Variants in SMARCD3 observed in about 807,000 individuals in gnomAD.
The protein encoded by SMARCD3 is SWI/SNF-related matrix-associated actin-dependent regulator of chromatin subfamily D member 3.
Under a neutral mutation model 58.0 loss-of-function variants are expected in SMARCD3, and 14 were observed. The observed-to-expected ratio is 0.24, with a 90% CI of 0.16 to 0.38. The LOEUF (loss-of-function observed/expected upper bound fraction) is 0.38. Ranked by LOEUF, SMARCD3 falls within the 10% of genes least tolerant of loss-of-function variation. The probability of loss-of-function intolerance (pLI) is 1.00; values close to 1 mark genes in which losing one functional copy is unlikely to be tolerated. For missense variants in SMARCD3, 408 were observed against 636.9 expected (o/e 0.64, Z 3.87); for synonymous variants, 253 against 253.8 (o/e 1.00, Z 0.03).
intron 2 of SMARCD3, among the ~76,000 whole-genome samples, chr7:151,258,848 G>A (rs886589814): frequency 2.0e-5 from 3 of 151,986 alleles, no homozygotes; most frequent in Admixed American, 6.6e-5. Flanking sequence ...TCTACATGGC[G>A]GACTCCTCAC....
At chr7:151,256,073 G>A (rs947453613) in intron 2 of SMARCD3, among the ~76,000 whole-genome samples, 2 of 151,932 alleles carry the variant, frequency 1.3e-5, no homozygotes, top group Non-Finnish European at 2.9e-5. Context: ...TAGAGACGGG[G>A]TTTCACCGTG....
At chr7:151,264,555 T>A (rs1157887813) in intron 2 of SMARCD3, among the ~76,000 whole-genome samples, 1 of 152,156 alleles carries the variant, frequency 6.6e-6, no homozygotes, top group Non-Finnish European at 1.5e-5. Flanking sequence ...GGTCAGCACC[T>A]GGGGTAGGAA....
upstream of SMARCD3, chr7:151,249,348 GCAGA>G (rs1803431746): frequency 6.6e-6 from 1 of 152,166 alleles, no homozygotes; most frequent in Non-Finnish European, 1.5e-5. This position sits in a 1 kb window ranked among gnomAD's most constrained non-coding sequence, Gnocchi z 4.8. Flanking sequence ...TTATGTGCGT[GCAGA>G]CAGACGCCCT....
rs1802861724 is a variant in SMARCD3 at position 151,239,773 on chromosome 7, C to T, written c.1174-27G>A. On this transcript the variant is annotated intron_variant, in intron 10 of 12. Coordinates refer to ENST00000262188, the MANE Select transcript of SMARCD3 (RefSeq NM_001003801.2). This position sits in a 1 kb window ranked among gnomAD's most constrained non-coding sequence, Gnocchi z 7.0. ...TGCAGGTAGAAAGATAGATGCTTTC[C>T]ACCTGGCTTTGGTGATGTGGGAGAC... 4.3e-6 allele frequency: 7 copies of T among 1,612,774 alleles called. No individual in the cohort carries two copies. The highest frequency in any genetic ancestry group is 5.9e-6 in the Non-Finnish European group (7 of 1,179,320).
rs1271990478 is a variant in SMARCD3 at position 151,241,841 on chromosome 7, G to A, written c.777+36C>T. Reference sequence around the variant, plus strand: ...GACCTAGCCCTGCCCTGAGGGCCTTGTGTGGCGTGTACGGGGCAGCATGGC... The same window carrying A: ...GACCTAGCCCTGCCCTGAGGGCCTTATGTGGCGTGTACGGGGCAGCATGGC... On this transcript the variant is annotated intron_variant, in intron 7 of 12. Transcript: ENST00000262188. This position sits in a 1 kb window ranked among gnomAD's most constrained non-coding sequence, Gnocchi z 5.3. 3.2e-6 allele frequency: 5 copies of A among 1,556,866 alleles called. No individual in the cohort carries two copies. Among genetic ancestry groups the A allele is most frequent in the East Asian group, 2.3e-5 (1 of 43,908 alleles).
chr7:151,247,938 C>T (rs1356240741), intron 1 of SMARCD3, among the ~76,000 whole-genome samples: 1 of 152,180 alleles, frequency 6.6e-6, no homozygotes, highest in Non-Finnish European at 1.5e-5. Context: ...TAGAGCGGTC[C>T]TCTCCCCCAC....
rs79419269 is a variant in SMARCD3 at position 151,239,990 on chromosome 7, T to C, written c.1173+122A>G. On this transcript the variant is annotated intron_variant, in intron 10 of 12. Transcript: ENST00000262188. The surrounding 1 kb of genome is among the most constrained non-coding windows in gnomAD (Gnocchi z 7.0). ...CCCATTGGCCCAGAGTCTGGTCTCTTTTTTTTTTTTTTTTTTAATTTAACC... is the reference window on the plus strand; with the variant it reads ...CCCATTGGCCCAGAGTCTGGTCTCTCTTTTTTTTTTTTTTTTAATTTAACC... The C allele has an allele frequency of 4.7e-3, 1,956 of 413,052 alleles. No homozygotes were observed. The highest frequency in any genetic ancestry group is 5.5e-3 in the Non-Finnish European group (1,605 of 289,850). The allele number at this position is 413,052 out of a possible 1,614,324, so 25.6% of individuals were successfully genotyped here.
chr7:151,275,190 C>A lies in SMARCD3; in HGVS notation c.-38G>T, dbSNP rs1179635444. 3.8e-6 allele frequency: 6 copies of A among 1,592,240 alleles called. No homozygotes were observed. The African/African-American group carries it at 8.0e-5, about 21-fold the overall frequency. On this transcript the variant is annotated 5_prime_UTR_variant, in exon 2 of 14. Transcript: ENST00000356800. ...CCTGCACCTGGAGAGTCATCCAGTG[C>A]CCCCTCGGTGCCTGGGCCCGGAGCC...
chr7:151,263,475 G>T (rs1381905080), intron 2 of SMARCD3, among the ~76,000 whole-genome samples: 1 of 152,126 alleles, frequency 6.6e-6, no homozygotes, highest in Non-Finnish European at 1.5e-5. Context: ...CTTGGAGAAT[G>T]TCCCTCTTAT....
At position 151,241,734 on chromosome 7, in the gene SMARCD3, G is replaced by A; in HGVS notation, c.778-81C>T. 7.0e-7 allele frequency: 1 copy of A among 1,427,388 alleles called. No individual in the cohort carries two copies. Among genetic ancestry groups the A allele is most frequent in the Non-Finnish European group, 9.7e-7 (1 of 1,028,298 alleles). The allele number at this position is 1,427,388 out of a possible 1,614,324, so 88.4% of individuals were successfully genotyped here. On this transcript the variant is annotated intron_variant, in intron 7 of 12. Transcript: ENST00000262188. The surrounding 1 kb of genome is among the most constrained non-coding windows in gnomAD (Gnocchi z 5.3). Reference sequence around the variant, plus strand: ...GGGCCAGGCCATTCAGGACTAGGGGGATGTGTTGATTGAGGAAACATGCCC... The same window carrying A: ...GGGCCAGGCCATTCAGGACTAGGGGAATGTGTTGATTGAGGAAACATGCCC...
intron 2 of SMARCD3, among the ~76,000 whole-genome samples, chr7:151,265,936 A>G (rs1193486382): frequency 6.6e-6 from 1 of 151,950 alleles, no homozygotes; most frequent in Non-Finnish European, 1.5e-5. Context: ...AGTTGAATTG[A>G]CCTTATTGTC....
chr7:151,241,031 T>G lies in SMARCD3; in HGVS notation c.939+461A>C. Reference sequence around the variant, plus strand: ...ATGCATTAATAAGAATATTCTCTGTTTTGGTGGAATTTTGCTCAATCACTT... The same window carrying G: ...ATGCATTAATAAGAATATTCTCTGTGTTGGTGGAATTTTGCTCAATCACTT... On this transcript the variant is annotated intron_variant, in intron 8 of 12. Transcript: ENST00000262188. This position sits in a 1 kb window ranked among gnomAD's most constrained non-coding sequence, Gnocchi z 5.3. 3 of 244,166 alleles carry G rather than the reference T, an allele frequency of 1.2e-5. No individual in the cohort carries two copies. The South Asian group carries it at 1.6e-4, about 13-fold the overall frequency. The allele number at this position is 244,166 out of a possible 1,614,324, so 15.1% of individuals were successfully genotyped here. A position where few individuals can be genotyped will look rare whatever the true frequency, so the allele number is the denominator to read the frequency against.
upstream of SMARCD3, chr7:151,248,948 G>A (rs1210006131): frequency 6.6e-6 from 1 of 152,508 alleles, no homozygotes; most frequent in Non-Finnish European, 1.5e-5. This position sits in a 1 kb window ranked among gnomAD's most constrained non-coding sequence, Gnocchi z 6.1. Flanking sequence ...CAGCAGTGCT[G>A]CAGCCCGAAG....
chr7:151,240,883 G>A (rs562462788), intron 8 of SMARCD3: 75 of 286,974 alleles, frequency 2.6e-4, no homozygotes, highest in African/African-American at 9.9e-4. Flanking sequence ...CAGGGCTGCC[G>A]TGAGAAGTCA....
Position 151,261,082 on chromosome 7 carries a change from G to A in SMARCD3, c.39+14032C>T, listed in dbSNP as rs148641337. Among the ~76,000 whole-genome samples the A allele has an allele frequency of 2.3e-3, 354 of 152,278 alleles. 1 individual carries two copies. Among genetic ancestry groups the A allele is most frequent in the African/African-American group, 8.0e-3 (332 of 41,562 alleles). On this transcript the variant is annotated intron_variant, in intron 2 of 13. Transcript: ENST00000356800. The stretch of plus-strand genomic sequence containing the variant: ...GCGGCAGATGTTGGGGCGCGCTCTC[G>A]GCAAATCCTTGTAACTAAGGCTGGC...
At chr7:151,274,835 T>C (rs1795291930) in intron 2 of SMARCD3, among the ~76,000 whole-genome samples, 1 of 152,192 alleles carries the variant, frequency 6.6e-6, no homozygotes. Flanking sequence ...AGCTTGTCCC[T>C]GGCTCAGAAA....
At chr7:151,256,069 C>T (rs575703724) in intron 2 of SMARCD3, among the ~76,000 whole-genome samples, 283 of 152,124 alleles carry the variant, frequency 1.9e-3, no homozygotes, top group South Asian at 0.01. Context: ...TTAGTAGAGA[C>T]GGGGTTTCAC....
chr7:151,239,965 C>T lies in SMARCD3; in HGVS notation c.1173+147G>A. 1.1e-6 allele frequency: 1 copy of T among 948,814 alleles called. No individual in the cohort carries two copies. Among genetic ancestry groups the T allele is most frequent in the South Asian group, 1.7e-5 (1 of 58,298 alleles). 58.8% of individuals were successfully genotyped at this position (948,814 alleles called of 1,614,324 possible). On this transcript the variant is annotated intron_variant, in intron 10 of 12. Coordinates refer to ENST00000262188, the MANE Select transcript of SMARCD3 (RefSeq NM_001003801.2). This position sits in a 1 kb window ranked among gnomAD's most constrained non-coding sequence, Gnocchi z 7.0. Reference sequence around the variant, plus strand: ...AGCAGCATGGACGGGCCATGTGTGTCCCATTGGCCCAGAGTCTGGTCTCTT... The same window carrying T: ...AGCAGCATGGACGGGCCATGTGTGTTCCATTGGCCCAGAGTCTGGTCTCTT...
chr7:151,242,447 C>T lies in SMARCD3; in HGVS notation c.579+34G>A, dbSNP rs776839008. On this transcript the variant is annotated intron_variant, in intron 5 of 12. Coordinates refer to ENST00000262188, the MANE Select transcript of SMARCD3 (RefSeq NM_001003801.2). This position sits in a 1 kb window ranked among gnomAD's most constrained non-coding sequence, Gnocchi z 4.7. ...TTCTCAGTGCAGCCCATGCCCACCCCAGGACACCTGGAGAGACCTGGGCCG... is the reference window on the plus strand; with the variant it reads ...TTCTCAGTGCAGCCCATGCCCACCCTAGGACACCTGGAGAGACCTGGGCCG... 12 of 1,607,438 alleles carry T rather than the reference C, an allele frequency of 7.5e-6. No individual in the cohort carries two copies. The highest frequency in any genetic ancestry group is 1.0e-5 in the Non-Finnish European group (12 of 1,177,460).
Sources: gnomAD v4.1 joint callset for allele counts (sites outside exome capture counted in the v4.1 genomes callset) on GRCh38, gnomAD v4.1.1 for gene constraint, Gnocchi (gnomAD v3.1) non-coding constraint, MANE v1.5 for transcripts, NCBI Gene and HGNC (gene_info 2026-07-23, HGNC 2026-07-21) for gene names.